The following SLC16A7 variants were observed in gnomAD, a reference collection of about 807,000 sequenced individuals.
The protein encoded by SLC16A7 is monocarboxylate transporter 2.
Under a neutral mutation model 34.9 loss-of-function variants are expected in SLC16A7, and 33 were observed. The observed-to-expected ratio is 0.94, with a 90% CI of 0.72 to 1.26. The LOEUF is 1.26. Among genes scored for constraint, SLC16A7 ranks in the 50% most tolerant of loss-of-function variants. SLC16A7 has a pLI of 0.00. For missense variants in SLC16A7, 573 were observed against 578.1 expected, an observed-to-expected ratio of 0.99 and a Z score of 0.09; for synonymous variants, 201 against 206.6, an observed-to-expected ratio of 0.97 and a Z score of 0.23.
chr12:59,642,748 TCTAGA>T (rs1372617798), intron 1 of SLC16A7, among the ~76,000 whole-genome samples: 7 of 152,200 alleles, frequency 4.6e-5, no homozygotes, highest in African/African-American at 1.4e-4. Flanking sequence ...GAACATGCAA[TCTAGA>T]CTAGAGAATT....
intron 3 of SLC16A7, chr12:59,736,061 A>C: frequency 3.7e-6 from 1 of 273,022 alleles, no homozygotes; most frequent in Non-Finnish European, 7.1e-6. Flanking sequence ...AGTTGGTGAG[A>C]CACCATACAA....
intron 2 of SLC16A7, chr12:59,696,471 A>G (rs1872304074): frequency 6.6e-6 from 1 of 152,054 alleles, no homozygotes; most frequent in Non-Finnish European, 1.5e-5. Context: ...GACTAGGCTT[A>G]AAGATTCCAC....
chr12:59,705,120 ATGT>A, intron 3 of SLC16A7, 102 bp downstream of exon 3: 1 of 765,404 alleles, frequency 1.3e-6, no homozygotes, highest in Non-Finnish European at 2.2e-6. Flanking sequence ...CCCTGTTTTT[ATGT>A]TATAGTCACT....
chr12:59,771,730 C>T (rs1451398524), intron 4 of SLC16A7, among the ~76,000 whole-genome samples: 1 of 152,082 alleles, frequency 6.6e-6, no homozygotes. Flanking sequence ...ATTTTCATGA[C>T]TTATCTGCAT....
At position 59,782,853 on chromosome 12, in the gene SLC16A7, A is replaced by G. The variant is rs1316418626; in HGVS notation, c.*3174A>G. On this transcript the variant is annotated 3_prime_UTR_variant, in exon 6 of 6. Transcript: ENST00000547379. ...AAGACATGATGTTTTCTCAGTATAA[A>G]TCTACAGGACTCATAAACAATCACT... 1 of 152,208 alleles carries G rather than the reference A, an allele frequency of 6.6e-6. No individual in the cohort carries two copies. Among genetic ancestry groups the G allele is most frequent in the Admixed American group, 6.6e-5 (1 of 15,262 alleles). 9.4% of individuals were successfully genotyped at this position (152,208 alleles called of 1,614,324 possible). A position where few individuals can be genotyped will look rare whatever the true frequency, so the allele number is the denominator to read the frequency against.
chr12:59,637,558 T>C (rs751463103), intron 1 of SLC16A7, among the ~76,000 whole-genome samples: 67 of 152,094 alleles, frequency 4.4e-4, no homozygotes, highest in Admixed American at 4.6e-4. Flanking sequence ...CATAATAGGT[T>C]GACACTCCTA....
chr12:59,669,222 CAAAATATATAAATA>C (rs1263650605), intron 2 of SLC16A7, among the ~76,000 whole-genome samples: 1 of 152,036 alleles, frequency 6.6e-6, no homozygotes, highest in East Asian at 1.9e-4. Flanking sequence ...TGAATAATAT[CAAAATATATAAATA>C]CATGTGAATC....
intron 1 of SLC16A7, among the ~76,000 whole-genome samples, chr12:59,606,090 G>A (rs1267227694): frequency 6.6e-6 from 1 of 152,064 alleles, no homozygotes. Flanking sequence ...ATTCCATTCT[G>A]TACAAAAGTA....
rs192250043 is a variant in SLC16A7 at position 59,775,487 on chromosome 12, T to C, written c.1180+12T>C. On this transcript the variant is annotated intron_variant, in intron 5 of 5. Transcript: ENST00000547379. ...CCCTCCTCTTGCAGGTAAGAACGTT[T>C]TTCATCAAGGAAAATGTAAAGCATA... 1.3e-6 allele frequency: 2 copies of C among 1,592,666 alleles called. No individual in the cohort carries two copies. Among genetic ancestry groups the C allele is most frequent in the South Asian group, 2.2e-5 (2 of 90,122 alleles).
In SLC16A7 at chr12:59,784,596, CTCTT is replaced by C. The variant is rs1883486938; in HGVS notation, c.*4919_*4922del. The C allele has an allele frequency of 6.6e-6, 1 of 152,190 alleles. No individual in the cohort carries two copies. 9.4% of individuals were successfully genotyped at this position (152,190 alleles called of 1,614,324 possible). On this transcript the variant is annotated 3_prime_UTR_variant, in exon 6 of 6. Transcript: ENST00000547379. ...TCTGAACATCTTTGTTGTCATTCAC[CTCTT>C]TGTCTATTTGTTCTGTAGAGAAAAC...
chr12:59,645,072 T>C (rs146574369), intron 1 of SLC16A7, among the ~76,000 whole-genome samples: 18 of 152,332 alleles, frequency 1.2e-4, no homozygotes, highest in Non-Finnish European at 2.6e-4. Context: ...ATCTCTTATG[T>C]CTTTCTTGTG....
At chr12:59,722,957 A>G (rs1875784616) in intron 3 of SLC16A7, among the ~76,000 whole-genome samples, 1 of 151,912 alleles carries the variant, frequency 6.6e-6, no homozygotes, top group Non-Finnish European at 1.5e-5. Flanking sequence ...AAAGGAACTG[A>G]ATTTTTATTG....
At chr12:59,713,526 T>C (rs980745813) in intron 3 of SLC16A7, among the ~76,000 whole-genome samples, 2 of 152,226 alleles carry the variant, frequency 1.3e-5, no homozygotes, top group African/African-American at 4.8e-5. Context: ...TAAATACACA[T>C]TGAATATTTT....
chr12:59,694,640 A>G (rs1872070715), intron 2 of SLC16A7, among the ~76,000 whole-genome samples: 1 of 151,944 alleles, frequency 6.6e-6, no homozygotes, highest in African/African-American at 2.4e-5. Context: ...TTCATCTTGC[A>G]TAATTTTATC....
At chr12:59,676,330 C>A in intron 2 of SLC16A7, among the ~76,000 whole-genome samples, 1 of 151,946 alleles carries the variant, frequency 6.6e-6, no homozygotes, top group East Asian at 1.9e-4. Context: ...TTTGAGTAAA[C>A]TAATATTTTA....
At chr12:59,632,153 G>A (rs1880211997) in intron 1 of SLC16A7, among the ~76,000 whole-genome samples, 1 of 151,788 alleles carries the variant, frequency 6.6e-6, no homozygotes. Flanking sequence ...AGATGGAACA[G>A]AAAGGAAAGG....
intron 2 of SLC16A7, among the ~76,000 whole-genome samples, chr12:59,682,120 A>G (rs1402266607): frequency 6.6e-6 from 1 of 152,224 alleles, no homozygotes; most frequent in African/African-American, 2.4e-5. Flanking sequence ...GTACTTTGTG[A>G]ATCCTGTACC....
chr12:59,703,419 A>G (rs1488118955), intron 2 of SLC16A7, among the ~76,000 whole-genome samples: 1 of 152,134 alleles, frequency 6.6e-6, no homozygotes, highest in Non-Finnish European at 1.5e-5. Flanking sequence ...TTTTTAAAAA[A>G]TAAACATAAA....
intron 3 of SLC16A7, among the ~76,000 whole-genome samples, chr12:59,705,309 G>T (rs371746123): frequency 6.6e-6 from 1 of 152,110 alleles, no homozygotes; most frequent in African/African-American, 2.4e-5. Flanking sequence ...ACTTCATTTA[G>T]TTTGAAATAA....
Sources: allele counts gnomAD v4.1 joint callset (sites outside exome capture counted in the v4.1 genomes callset), GRCh38; gene constraint gnomAD v4.1.1; transcripts MANE v1.5; gene names NCBI Gene and HGNC (gene_info 2026-07-23, HGNC 2026-07-21).